The following FGGY variants were observed in gnomAD, a reference collection of about 807,000 sequenced individuals.
FGGY encodes the protein FGGY carbohydrate kinase domain-containing protein.
A neutral mutation model predicts 71.3 loss-of-function variants in FGGY; 72 were observed. The observed-to-expected ratio is 1.01, with a 90% confidence interval of 0.84 to 1.23. The LOEUF is 1.23. Ranked by LOEUF, FGGY falls within the 50% of genes most tolerant of loss-of-function variation. The pLI is 0.00. For synonymous variants in FGGY, 251 were observed against 250.3 expected (o/e 1.00, Z -0.02); for missense variants, 668 against 682.3 (o/e 0.98, Z 0.23).
At chr1:59,408,236 T>C (rs1557829832) in intron 5 of FGGY, among the ~76,000 whole-genome samples, 2 of 152,182 alleles carry the variant, frequency 1.3e-5, no homozygotes, top group African/African-American at 4.8e-5. Context: ...GATAGCACAA[T>C]TCCTGGCACC....
At chr1:59,526,471 T>G (rs1176374023) in intron 7 of FGGY, among the ~76,000 whole-genome samples, 1 of 152,196 alleles carries the variant, frequency 6.6e-6, no homozygotes, top group Non-Finnish European at 1.5e-5. Flanking sequence ...TCTAGATGAC[T>G]CAGCAGCTGG....
intron 2 of FGGY, among the ~76,000 whole-genome samples, chr1:59,325,459 T>A (rs1441537887): frequency 1.3e-5 from 2 of 152,304 alleles, no homozygotes; most frequent in East Asian, 3.9e-4. Flanking sequence ...TGCCCTTTTT[T>A]ACCAACCTCA....
intron 8 of FGGY, among the ~76,000 whole-genome samples, chr1:59,591,843 A>T (rs1253526075): frequency 2.0e-5 from 3 of 152,264 alleles, no homozygotes; most frequent in African/African-American, 7.2e-5. Flanking sequence ...ACCCTAGAAG[A>T]AAAACTAGGC....
At chr1:59,750,259 G>C (rs1342869636) in intron 14 of FGGY, among the ~76,000 whole-genome samples, 1 of 151,934 alleles carries the variant, frequency 6.6e-6, no homozygotes, top group Non-Finnish European at 1.5e-5. Context: ...ACCAATTTGA[G>C]GTATGTTTTA....
chr1:59,628,141 A>C (rs2096876639), intron 10 of FGGY, among the ~76,000 whole-genome samples: 1 of 152,218 alleles, frequency 6.6e-6, no homozygotes, highest in South Asian at 2.1e-4. Flanking sequence ...TAGGAAGAGG[A>C]AAATAATAAC....
rs536530531 is a variant in FGGY, at chr1:59,540,259, G to T, written c.800-13865G>T. Among the ~76,000 whole-genome samples the T allele has an allele frequency of 2.4e-3, 364 of 152,302 alleles. 18 individuals carry two copies. In the South Asian group the frequency reaches 0.072, roughly 30 times the overall value. ...TCTTAGACATATATCCAACAGAAAT[G>T]TGTACCAGAAAAAATACGTATATAG... On this transcript the variant is annotated intron_variant, in intron 7 of 15. Transcript: ENST00000303721.
chr1:59,535,737 G>A (rs2095296764), intron 7 of FGGY, among the ~76,000 whole-genome samples: 2 of 146,856 alleles, frequency 1.4e-5, no homozygotes, highest in Admixed American at 6.7e-5. Flanking sequence ...TGACTACTGG[G>A]TACATAACGA....
chr1:59,442,133 T>C (rs2070072117), intron 5 of FGGY, among the ~76,000 whole-genome samples: 1 of 152,188 alleles, frequency 6.6e-6, no homozygotes, highest in African/African-American at 2.4e-5. Flanking sequence ...GTGAAAGGTA[T>C]GGACTCTGCA....
intron 11 of FGGY, among the ~76,000 whole-genome samples, chr1:59,651,832 A>C (rs2097165091): frequency 6.7e-6 from 1 of 148,572 alleles, no homozygotes; most frequent in Non-Finnish European, 1.5e-5. Context: ...TAGTTGATGC[A>C]GTTTCTTCCT....
chr1:59,576,329 C>T (rs1392637532), intron 8 of FGGY, among the ~76,000 whole-genome samples: 1 of 151,958 alleles, frequency 6.6e-6, no homozygotes, highest in Non-Finnish European at 1.5e-5. Flanking sequence ...TGTTCTCACT[C>T]ATAAGCAGGA....
intron 8 of FGGY, among the ~76,000 whole-genome samples, chr1:59,583,823 A>C (rs184172046): frequency 7.0e-6 from 1 of 142,218 alleles, no homozygotes. Context: ...GAGAGGTCCA[A>C]ATTCAACTGG....
At chr1:59,721,092 A>G (rs909122595) in intron 14 of FGGY, among the ~76,000 whole-genome samples, 21 of 152,052 alleles carry the variant, frequency 1.4e-4, no homozygotes, top group African/African-American at 5.1e-4. Context: ...GAGAGATGCC[A>G]TTCCTAGTCA....
At chr1:59,676,683 G>A (rs2097438902) in intron 14 of FGGY, among the ~76,000 whole-genome samples, 2 of 152,098 alleles carry the variant, frequency 1.3e-5, no homozygotes, top group Non-Finnish European at 1.5e-5. Flanking sequence ...GATCAGATTT[G>A]GAACTGATGA....
chr1:59,375,292 CA>C (rs890629675), intron 4 of FGGY, among the ~76,000 whole-genome samples: 8 of 141,802 alleles, frequency 5.6e-5, no homozygotes, highest in East Asian at 2.1e-4. Flanking sequence ...AAGAAACAAA[CA>C]AAAAAAAACT....
At chr1:59,670,692 C>T (rs2097369672) in intron 13 of FGGY, among the ~76,000 whole-genome samples, 1 of 143,026 alleles carries the variant, frequency 7.0e-6, no homozygotes. Flanking sequence ...AGCCCCATGC[C>T]AAAAAGAAAG....
At chr1:59,745,820 G>A (rs2098191994) in intron 14 of FGGY, among the ~76,000 whole-genome samples, 2 of 152,186 alleles carry the variant, frequency 1.3e-5, no homozygotes, top group South Asian at 4.1e-4. Context: ...ATGAAGTGAT[G>A]GAGATTCTGG....
intron 5 of FGGY, among the ~76,000 whole-genome samples, chr1:59,430,268 G>A (rs1471827705): frequency 6.6e-6 from 1 of 152,066 alleles, no homozygotes; most frequent in Non-Finnish European, 1.5e-5. Flanking sequence ...CAGTGTCAAC[G>A]CCTACTTCTG....
chr1:59,521,633 ATTC>A (rs1350192607), intron 7 of FGGY, among the ~76,000 whole-genome samples: 1 of 152,188 alleles, frequency 6.6e-6, no homozygotes, highest in Non-Finnish European at 1.5e-5. Context: ...TGTATACCAA[ATTC>A]TTCAATTTGC....
intron 9 of FGGY, among the ~76,000 whole-genome samples, chr1:59,623,581 C>G (rs1042214732): frequency 3.3e-5 from 5 of 152,124 alleles, no homozygotes; most frequent in Non-Finnish European, 5.9e-5. Flanking sequence ...CGTTACCATT[C>G]AAATCATATA....
Sources: gnomAD v4.1 joint callset for allele counts (sites outside exome capture counted in the v4.1 genomes callset) on GRCh38, gnomAD v4.1.1 for gene constraint, MANE v1.5 for transcripts, NCBI Gene and HGNC (gene_info 2026-07-23, HGNC 2026-07-21) for gene names.